Variants in ENG observed in about 807,000 individuals in gnomAD.
The protein encoded by ENG is CD105 antigen.
ENG carries 17 observed loss-of-function variants against 71.0 expected under a neutral mutation model. The ratio of observed to expected loss-of-function variants is 0.24; its 90% CI spans 0.16 to 0.36. ENG has a LOEUF of 0.36. Among genes scored for constraint, ENG ranks in the 10% least tolerant of loss-of-function variants. The pLI is 1.00. For synonymous variants in ENG, 360 were observed against 366.9 expected, an observed-to-expected ratio of 0.98 and a Z score of 0.21; for missense variants, 749 against 868.3, an observed-to-expected ratio of 0.86 and a Z score of 1.73.
chr9:127,820,783 C>G (rs1179770137), intron 8 of ENG, among the ~76,000 whole-genome samples: 1 of 151,346 alleles, frequency 6.6e-6, no homozygotes, highest in Non-Finnish European at 1.5e-5. Flanking sequence ...GAGCCGAGAT[C>G]GCACCATTGC....
At chr9:127,849,502 T>C (rs1053383250) in intron 1 of ENG, among the ~76,000 whole-genome samples, 1 of 152,144 alleles carries the variant, frequency 6.6e-6, no homozygotes, top group Non-Finnish European at 1.5e-5. Flanking sequence ...TGTTTCCCTA[T>C]GGCTAGTGGG....
intron 1 of ENG, among the ~76,000 whole-genome samples, chr9:127,843,755 A>ATATATATATT (rs1554812402): frequency 8.0e-5 from 2 of 25,038 alleles, no homozygotes; most frequent in African/African-American, 1.5e-4. Flanking sequence ...ATATATATAT[A>ATATATATATT]TTTTTTTTTT....
At chr9:127,834,593 T>TG (rs1830851982) in intron 2 of ENG, among the ~76,000 whole-genome samples, 1 of 151,966 alleles carries the variant, frequency 6.6e-6, no homozygotes, top group African/African-American at 2.4e-5. Context: ...TTAGTAGAGA[T>TG]GGGGTTTCAC....
rs939356538 is a variant in ENG, at chr9:127,838,776, C to T, written c.219+4318G>A. The stretch of plus-strand genomic sequence containing the variant: ...GGGCCCCCTCCCGGAATCCAGGCTC[C>T]GGCCTGCCCTTCAGGGACCCAGCGA... On this transcript the variant is annotated intron_variant, in intron 2 of 14. Transcript: ENST00000373203. The surrounding 1 kb of genome is among the most constrained non-coding windows in gnomAD (Gnocchi z 4.3). Among the ~76,000 whole-genome samples the T allele has an allele frequency of 2.6e-5, 4 of 152,146 alleles. No individual in the cohort carries two copies. The highest frequency in any genetic ancestry group is 5.9e-5 in the Non-Finnish European group (4 of 68,010).
chr9:127,851,104 A>G (rs1831272294), intron 1 of ENG, among the ~76,000 whole-genome samples: 1 of 152,222 alleles, frequency 6.6e-6, no homozygotes, highest in Non-Finnish European at 1.5e-5. Context: ...CGGTACCTGT[A>G]TCAATAAAGG....
chr9:127,848,212 C>A (rs1448853049), intron 1 of ENG, among the ~76,000 whole-genome samples: 1 of 152,116 alleles, frequency 6.6e-6, no homozygotes, highest in African/African-American at 2.4e-5. Flanking sequence ...TGGGCTCTTC[C>A]CCTAAACACA....
chr9:127,823,014 C>T (rs544724809), intron 8 of ENG, among the ~76,000 whole-genome samples: 125 of 146,730 alleles, frequency 8.5e-4, no homozygotes, highest in African/African-American at 3.0e-3. Flanking sequence ...CTAATTTTTT[C>T]TATTTTAGTA....
chr9:127,844,438 T>C (rs1199987158), intron 1 of ENG, among the ~76,000 whole-genome samples: 1 of 150,704 alleles, frequency 6.6e-6, no homozygotes, highest in Non-Finnish European at 1.5e-5. Flanking sequence ...ATTTTTTATT[T>C]TTTTGAGACA....
chr9:127,825,383 A>G, intron 5 of ENG, 26 bp from the exon 6 acceptor site: 2 of 1,606,410 alleles, frequency 1.2e-6, no homozygotes, highest in Non-Finnish European at 1.7e-6. Context: ...CGCGGATGGA[A>G]CACTGAAGCG....
At chr9:127,837,075 A>G (rs1418438170) in intron 2 of ENG, among the ~76,000 whole-genome samples, 2 of 152,162 alleles carry the variant, frequency 1.3e-5, no homozygotes, top group Non-Finnish European at 2.9e-5. Flanking sequence ...GGCGTGAGAC[A>G]CCACGCCTGG....
chr9:127,825,598 G>T (rs1302057469), intron 5 of ENG, 97 bp downstream of exon 5: 2 of 1,303,056 alleles, frequency 1.5e-6, no homozygotes, highest in Non-Finnish European at 2.1e-6. Flanking sequence ...TGGGACTGGG[G>T]TGGGGCTTTA....
chr9:127,815,085 C>T lies in ENG; in HGVS notation c.*597G>A, dbSNP rs1830272509. 1 of 153,630 alleles carries T rather than the reference C, an allele frequency of 6.5e-6. No homozygotes were observed. Among genetic ancestry groups the T allele is most frequent in the African/African-American group, 2.4e-5 (1 of 41,466 alleles). The allele number at this position is 153,630 out of a possible 1,614,324, so 9.5% of individuals were successfully genotyped here. Reference sequence around the variant, plus strand: ...GCCCAGGACAAGCAGCTTGGCTACTCCCCCTCTGCTGGCTGCCCGACCGGC... The same window carrying T: ...GCCCAGGACAAGCAGCTTGGCTACTTCCCCTCTGCTGGCTGCCCGACCGGC... On this transcript the variant is annotated 3_prime_UTR_variant, in exon 15 of 15. Coordinates refer to ENST00000373203, the MANE Select transcript of ENG (RefSeq NM_001114753.3).
intron 1 of ENG, among the ~76,000 whole-genome samples, chr9:127,848,288 CT>C (rs144002612): frequency 2.9e-4 from 44 of 149,476 alleles, no homozygotes; most frequent in African/African-American, 6.6e-4. Flanking sequence ...ACCACCTGGC[CT>C]TTTTTTTTTA....
chr9:127,817,909 C>G (rs1381583873), intron 12 of ENG: 2 of 655,136 alleles, frequency 3.1e-6, no homozygotes, highest in East Asian at 2.7e-5. Context: ...GCTGCATAGT[C>G]TGCCAGTGCC....
intron 9 of ENG, 85 bp from the exon 10 acceptor site, chr9:127,819,745 G>C: frequency 2.5e-6 from 4 of 1,587,724 alleles, no homozygotes; most frequent in Non-Finnish European, 3.4e-6. Context: ...TTTGCAGATG[G>C]GGAGACTAAG....
In ENG at chr9:127,846,890, C is replaced by A; in HGVS notation, c.68-3645G>T. The A allele has an allele frequency of 1.0e-6, 1 of 985,610 alleles. No homozygotes were observed. Among genetic ancestry groups the A allele is most frequent in the South Asian group, 4.7e-5 (1 of 21,292 alleles). The allele number at this position is 985,610 out of a possible 1,614,324, so 61.1% of individuals were successfully genotyped here. On this transcript the variant is annotated intron_variant, in intron 1 of 14. Coordinates refer to ENST00000373203, the MANE Select transcript of ENG (RefSeq NM_001114753.3). The surrounding 1 kb of genome is among the most constrained non-coding windows in gnomAD (Gnocchi z 5.5). Reference sequence around the variant, plus strand: ...CACCACTGTCCCCTCTCCACCCTCGCCACCCATGTGCACACAGCACCTCCC... The same window carrying A: ...CACCACTGTCCCCTCTCCACCCTCGACACCCATGTGCACACAGCACCTCCC...
intron 7 of ENG, 86 bp downstream of exon 7, chr9:127,824,714 A>C (rs970515325): frequency 7.2e-7 from 1 of 1,389,624 alleles, no homozygotes; most frequent in Non-Finnish European, 9.4e-7. Context: ...ACCTTGCCCA[A>C]GCTCACACAG....
chr9:127,825,185 G>T, intron 6 of ENG, 46 bp downstream of exon 6: 1 of 1,613,196 alleles, frequency 6.2e-7, no homozygotes, highest in Admixed American at 1.7e-5. Context: ...CTGATCCAGA[G>T]GTTGGGAGTT....
Position 127,815,942 on chromosome 9 carries a change from C to T in ENG, c.1852+1G>A. ...TCACTGTGGGGGCCTGGGGTACTCA[C>T]GCGTGTGCGAGTAGATGTACCAGAG... On this transcript the variant is annotated splice_donor_variant, in intron 14 of 14. Transcript: ENST00000373203. LOFTEE classifies it high-confidence loss of function. The T allele has an allele frequency of 6.3e-7, 1 of 1,594,384 alleles. No homozygotes were observed. The highest frequency in any genetic ancestry group is 8.5e-7 in the Non-Finnish European group (1 of 1,171,160).
Sources: gnomAD v4.1 joint callset for allele counts (sites outside exome capture counted in the v4.1 genomes callset) on GRCh38, gnomAD v4.1.1 for gene constraint, Gnocchi (gnomAD v3.1) non-coding constraint, MANE v1.5 for transcripts, NCBI Gene and HGNC (gene_info 2026-07-23, HGNC 2026-07-21) for gene names.